CACNA1H: variants seen among roughly 807,000 people sequenced by gnomAD.
The protein encoded by CACNA1H is voltage-dependent T-type calcium channel subunit alpha-1H.
CACNA1H carries 149 observed loss-of-function variants against 192.5 expected under a neutral mutation model. That is an observed-to-expected ratio of 0.77 (90% confidence interval 0.68 to 0.89). The LOEUF (loss-of-function observed/expected upper bound fraction) is 0.89. Ranked by LOEUF, CACNA1H falls within the 40% of genes least tolerant of loss-of-function variation. CACNA1H has a pLI of 0.00. For synonymous variants in CACNA1H, 2,202 were observed against 1,475.2 expected (o/e 1.49, Z -11.29); for missense variants, 4,257 against 3,423.5 (o/e 1.24, Z -6.08).
intron 2 of CACNA1H, among the ~76,000 whole-genome samples, chr16:1,178,917 C>T (rs1395097654): frequency 3.9e-5 from 6 of 152,170 alleles, no homozygotes; most frequent in African/African-American, 4.8e-5. Flanking sequence ...TTGCCAGCCC[C>T]GGAGGACCAG....
chr16:1,181,017 C>G (rs1965411466), intron 2 of CACNA1H, among the ~76,000 whole-genome samples: 4 of 152,214 alleles, frequency 2.6e-5, no homozygotes, highest in Admixed American at 2.6e-4. Context: ...GAGGGAGCGC[C>G]TGGTCCCCTG....
At chr16:1,183,496 C>G (rs1050332344) in intron 2 of CACNA1H, among the ~76,000 whole-genome samples, 1 of 152,212 alleles carries the variant, frequency 6.6e-6, no homozygotes, top group Non-Finnish European at 1.5e-5. Flanking sequence ...CTTCAGTCAG[C>G]GCATCCCCGG....
intron 26 of CACNA1H, 142 bp downstream of exon 26, chr16:1,212,670 C>T (rs1411833546): frequency 5.1e-6 from 5 of 974,314 alleles, no homozygotes; most frequent in Admixed American, 2.3e-5. Context: ...TGAGGAGGGG[C>T]TGCGCTCGCC....
At position 1,220,730 on chromosome 16, in the gene CACNA1H, T is replaced by G. The variant is rs1362170129; in HGVS notation, c.6798T>G (p.Phe2266Leu). The G allele has an allele frequency of 6.2e-7, 1 of 1,612,292 alleles. No homozygotes were observed. Among genetic ancestry groups the G allele is most frequent in the Non-Finnish European group, 8.5e-7 (1 of 1,179,658 alleles). ...CTGAGCACCTGACCGTCCCCAGCTT[T>G]GCCTTTGAGCCGCTGGACCTCGGGG... is the stretch of plus-strand genomic sequence containing the variant. The part of the protein sequence containing the change: ...CRAEHLTVPS[F>L]AFEPLDLGVP... Residue 2266 changes from phenylalanine (F) to leucine (L), a missense_variant, in exon 35 of 35, where the codon TTT (phenylalanine) becomes TTG (leucine). Transcript: ENST00000348261.
At chr16:1,170,530 C>T (rs1964265207) in intron 2 of CACNA1H, among the ~76,000 whole-genome samples, 1 of 152,348 alleles carries the variant, frequency 6.6e-6, no homozygotes, top group African/African-American at 2.4e-5. Flanking sequence ...CCTGCGGACC[C>T]CCACAAGCCC....
intron 4 of CACNA1H, 109 bp downstream of exon 4, chr16:1,195,674 G>A (rs904719565): frequency 1.4e-5 from 18 of 1,302,630 alleles, no homozygotes; most frequent in Non-Finnish European, 1.8e-5. Context: ...GTTCTAGAGG[G>A]ATCCAGGTAG....
chr16:1,175,745 G>A (rs1964818490), intron 2 of CACNA1H, among the ~76,000 whole-genome samples: 1 of 152,208 alleles, frequency 6.6e-6, no homozygotes, highest in African/African-American at 2.4e-5. Flanking sequence ...GGTTTTGAGG[G>A]CTGCGTAGGA....
intron 18 of CACNA1H, 28 bp from the exon 19 acceptor site, chr16:1,210,342 C>CCCCGCG: frequency 3.0e-6 from 3 of 999,082 alleles, no homozygotes; most frequent in Non-Finnish European, 4.5e-6. Context: ...CGCCCCGCCC[C>CCCCGCG]ACCTCTCACC....
intron 2 of CACNA1H, among the ~76,000 whole-genome samples, chr16:1,155,502 G>T (rs1962222808): frequency 6.6e-6 from 1 of 152,210 alleles, no homozygotes; most frequent in South Asian, 2.1e-4. Flanking sequence ...GGGTCTGGAA[G>T]GGACTGCATG....
chr16:1,205,885 A>T (rs8049080), intron 11 of CACNA1H, among the ~76,000 whole-genome samples: 1 of 152,092 alleles, frequency 6.6e-6, no homozygotes, highest in African/African-American at 2.4e-5. Context: ...CCCAGGGGGC[A>T]CTGGGGGCCG....
In CACNA1H at chr16:1,218,552, G is replaced by T; in HGVS notation, c.5788G>T (p.Asp1930Tyr). ...GTCCAGGATGCTCTCGCTGCCCAACGACAGCTACATGTTCAGGCCCGTGGT... is the reference window on the plus strand; with the variant it reads ...GTCCAGGATGCTCTCGCTGCCCAACTACAGCTACATGTTCAGGCCCGTGGT... The part of the protein sequence containing the change: ...SVSRMLSLPN[D>Y]SYMFRPVVPA... The change falls in exon 33 of 35, where the codon GAC becomes TAC. Residue 1930 changes from aspartate to tyrosine, a missense_variant. Asp to Tyr is a radical substitution (Grantham distance 160, BLOSUM62 -3). Coordinates refer to ENST00000348261, the MANE Select transcript of CACNA1H (RefSeq NM_021098.3). 3.8e-6 allele frequency: 6 copies of T among 1,561,962 alleles called. No individual in the cohort carries two copies. The highest frequency in any genetic ancestry group is 5.2e-6 in the Non-Finnish European group (6 of 1,153,576).
intron 2 of CACNA1H, among the ~76,000 whole-genome samples, chr16:1,175,592 C>G (rs1964801060): frequency 1.3e-5 from 2 of 152,214 alleles, no homozygotes; most frequent in African/African-American, 2.4e-5. Flanking sequence ...TGTTGCCGTG[C>G]CCACTGCTGA....
rs773099504 is a variant in CACNA1H, at chr16:1,202,285, A to C, written c.1835A>C (p.Asn612Thr). ...CTGGCCACAGGGCTGGGCACCATGA[A>C]CTACCCCACGATCCTGCCCTCAGGG... ...LRLATGLGTM[N>T]YPTILPSGVG... is the part of the protein sequence containing the mutation. Residue 612 changes from asparagine (N) to threonine (T), a missense_variant, in exon 9 of 35, where the codon AAC becomes ACC. By Grantham distance (65) the Asn-to-Thr change is moderately conservative. Coordinates refer to ENST00000348261, the MANE Select transcript of CACNA1H (RefSeq NM_021098.3). 1.7e-5 allele frequency: 27 copies of C among 1,583,580 alleles called. No individual in the cohort carries two copies. In the African/African-American group the frequency reaches 3.2e-4, roughly 19 times the overall value.
chr16:1,214,187 A>G (rs1288075228), intron 27 of CACNA1H, among the ~76,000 whole-genome samples: 2 of 152,064 alleles, frequency 1.3e-5, no homozygotes, highest in Admixed American at 1.3e-4. Context: ...TGTCCCACCC[A>G]AGGAGGGGCT....
At chr16:1,181,700 G>A (rs1488096182) in intron 2 of CACNA1H, among the ~76,000 whole-genome samples, 2 of 152,122 alleles carry the variant, frequency 1.3e-5, no homozygotes, top group African/African-American at 4.8e-5. Flanking sequence ...GTCCGCGTGT[G>A]CTCCAGCTCC....
rs72552048 is a variant in CACNA1H at position 1,216,811 on chromosome 16, G to A, written c.5245-121G>A. On this transcript the variant is annotated intron_variant, in intron 30 of 34. Coordinates refer to ENST00000348261, the MANE Select transcript of CACNA1H (RefSeq NM_021098.3). ...AACTTGCTTCCACTTGGCCGGGCCC[G>A]GAGCACCTGGAAGAAGGTGGGCAGG... The A allele has an allele frequency of 3.1e-4, 256 of 831,890 alleles. 1 individual carries two copies. In the East Asian group the frequency reaches 5.5e-3, roughly 18 times the overall value. 51.5% of individuals were successfully genotyped at this position (831,890 alleles called of 1,614,324 possible).
At chr16:1,181,663 T>A (rs946204955) in intron 2 of CACNA1H, among the ~76,000 whole-genome samples, 2 of 152,232 alleles carry the variant, frequency 1.3e-5, no homozygotes, top group African/African-American at 4.8e-5. Flanking sequence ...GCATGGCTTT[T>A]AAAATTGTGC....
intron 32 of CACNA1H, 25 bp from the exon 33 acceptor site, chr16:1,218,185 G>C: frequency 6.5e-7 from 1 of 1,542,984 alleles, no homozygotes; most frequent in Non-Finnish European, 8.8e-7. Flanking sequence ...TGTGGACCCC[G>C]GCCCACAGCT....
At chr16:1,188,176 G>A (rs1386061369) in intron 2 of CACNA1H, among the ~76,000 whole-genome samples, 1 of 152,238 alleles carries the variant, frequency 6.6e-6, no homozygotes, top group Non-Finnish European at 1.5e-5. Context: ...GGCAGGGTCG[G>A]GGAGGCCCTG....
Sources: allele counts gnomAD v4.1 joint callset (sites outside exome capture counted in the v4.1 genomes callset), GRCh38; gene constraint gnomAD v4.1.1; transcripts MANE v1.5; gene names NCBI Gene and HGNC (gene_info 2026-07-23, HGNC 2026-07-21).